ARFGEF3: variants seen among roughly 807,000 people sequenced by gnomAD.
ARFGEF3 encodes ARFGEF family member 3.
ARFGEF3 carries 96 observed loss-of-function variants against 221.7 expected under a neutral mutation model. That is an observed-to-expected ratio of 0.43 (90% CI 0.37 to 0.51). The LOEUF (loss-of-function observed/expected upper bound fraction) is 0.51. Among genes scored for constraint, ARFGEF3 ranks in the 20% least tolerant of loss-of-function variants. ARFGEF3 has a pLI of 0.00. For synonymous variants in ARFGEF3, 1,145 were observed against 1,126.8 expected (o/e 1.02, Z -0.32); for missense variants, 2,410 against 2,789.9 (o/e 0.86, Z 3.07).
chr6:138,244,123 A>C (rs771075663), intron 7 of ARFGEF3, among the ~76,000 whole-genome samples: 3 of 152,244 alleles, frequency 2.0e-5, no homozygotes, highest in Non-Finnish European at 4.4e-5. Flanking sequence ...TTTGTCTAAA[A>C]TTGAGCTTAA....
rs189151228 is a variant in ARFGEF3 at position 138,191,108 on chromosome 6, C to T, written c.138-15934C>T. ...TAACTCACTGAGAAAGTTCCTAGCT[C>T]ACTGAGAAAGTTCCTAGCTCACATC... is the stretch of plus-strand genomic sequence containing the variant. On this transcript the variant is annotated intron_variant, in intron 2 of 33. Transcript: ENST00000251691. Among the ~76,000 whole-genome samples the T allele has an allele frequency of 3.5e-4, 54 of 152,216 alleles. 1 individual carries two copies. The East Asian group carries it at 9.9e-3, about 28-fold the overall frequency.
At chr6:138,210,791 G>C (rs1481284836) in intron 4 of ARFGEF3, among the ~76,000 whole-genome samples, 1 of 152,172 alleles carries the variant, frequency 6.6e-6, no homozygotes, top group Non-Finnish European at 1.5e-5. Context: ...AAATATTCAG[G>C]AATAGTTGGT....
At chr6:138,181,616 G>C (rs1239638339) in intron 2 of ARFGEF3, among the ~76,000 whole-genome samples, 2 of 152,068 alleles carry the variant, frequency 1.3e-5, no homozygotes, top group Non-Finnish European at 2.9e-5. Flanking sequence ...GCTAATTTTT[G>C]TGTTTTTAGT....
In ARFGEF3 at chr6:138,329,483, G is replaced by A. The variant is rs185820145; in HGVS notation, c.5123+1341G>A. Among the ~76,000 whole-genome samples the A allele has an allele frequency of 3.9e-4, 59 of 152,152 alleles. 1 individual carries two copies. The highest frequency in any genetic ancestry group is 1.2e-3 in the African/African-American group (51 of 41,510). ...GTTTCAGACCAGCCTGGCCAACATG[G>A]TGAAACCCCGTCTCTGCTAAAAATA... is the stretch of plus-strand genomic sequence containing the variant. On this transcript the variant is annotated intron_variant, in intron 32 of 33. Transcript: ENST00000251691.
chr6:138,181,411 TTTTG>T (rs1389594981), intron 2 of ARFGEF3, among the ~76,000 whole-genome samples: 1 of 152,174 alleles, frequency 6.6e-6, no homozygotes, highest in African/African-American at 2.4e-5. Context: ...AATTATGAAT[TTTTG>T]TTTCTTAGGC....
intron 4 of ARFGEF3, among the ~76,000 whole-genome samples, chr6:138,222,098 C>T (rs1401128340): frequency 2.0e-5 from 3 of 152,212 alleles, no homozygotes; most frequent in Non-Finnish European, 4.4e-5. Flanking sequence ...CCTAGTTCTT[C>T]TCTGGAAGTC....
rs1422845253 is a variant in ARFGEF3 at position 138,319,784 on chromosome 6, A to G, written c.4556A>G (p.His1519Arg). 1.2e-6 allele frequency: 2 copies of G among 1,613,868 alleles called. No individual in the cohort carries two copies. The highest frequency in any genetic ancestry group is 2.7e-5 in the African/African-American group (2 of 74,948). Reference protein sequence around the residue: ...SVWLRRSHKDHSYWDMASANF... With the variant: ...SVWLRRSHKDRSYWDMASANF... ...TGGCTCCGCCGGAGCCATAAAGACCATTCCTACTGGGATATGGCCTCTGCC... is the reference window on the plus strand; with the variant it reads ...TGGCTCCGCCGGAGCCATAAAGACCGTTCCTACTGGGATATGGCCTCTGCC... Residue 1519 changes from histidine to arginine, a missense_variant, in exon 28 of 34, where the codon CAT (histidine) becomes CGT (arginine). Around this residue, in one of 5 missense-constraint regions of ARFGEF3, gnomAD observed 723 missense variants for 991.9 expected, o/e 0.73. Coordinates refer to ENST00000251691, the MANE Select transcript of ARFGEF3 (RefSeq NM_020340.5).
intron 1 of ARFGEF3, among the ~76,000 whole-genome samples, chr6:138,167,058 G>A (rs1430866964): frequency 1.3e-5 from 2 of 152,176 alleles, no homozygotes; most frequent in Non-Finnish European, 2.9e-5. Flanking sequence ...CCATTCGGCT[G>A]GCAGACCATT....
At chr6:138,248,443 C>CA (rs1009387389) in intron 8 of ARFGEF3, among the ~76,000 whole-genome samples, 4 of 152,082 alleles carry the variant, frequency 2.6e-5, no homozygotes, top group African/African-American at 9.7e-5. Context: ...ACCAGAACTA[C>CA]AAAAAATATA....
chr6:138,312,572 G>A (rs182927331), intron 25 of ARFGEF3, among the ~76,000 whole-genome samples: 2 of 152,240 alleles, frequency 1.3e-5, no homozygotes, highest in East Asian at 3.9e-4. Context: ...CTGCTGTGCA[G>A]GGCCATCTCT....
intron 26 of ARFGEF3, among the ~76,000 whole-genome samples, chr6:138,316,400 C>A (rs1273582619): frequency 6.6e-6 from 1 of 152,012 alleles, no homozygotes; most frequent in Non-Finnish European, 1.5e-5. Context: ...CAAACATATA[C>A]AAAACTTGTA....
intron 3 of ARFGEF3, 137 bp downstream of exon 3, chr6:138,207,260 A>G: frequency 1.5e-6 from 1 of 656,422 alleles, no homozygotes; most frequent in Admixed American, 2.6e-5. Context: ...GGAAATAACT[A>G]TAGAGAATAA....
chr6:138,308,929 G>C, intron 24 of ARFGEF3, 68 bp downstream of exon 24: 1 of 1,586,584 alleles, frequency 6.3e-7, no homozygotes, highest in Non-Finnish European at 8.6e-7. Context: ...TCTGTGGCTG[G>C]AGACAGGGCC....
chr6:138,332,888 CA>C (rs763683555), intron 32 of ARFGEF3, among the ~76,000 whole-genome samples: 1 of 152,120 alleles, frequency 6.6e-6, no homozygotes, highest in Non-Finnish European at 1.5e-5. Context: ...GAGGACTACA[CA>C]AAGGGCAAAG....
intron 8 of ARFGEF3, among the ~76,000 whole-genome samples, chr6:138,251,072 C>T (rs1475181947): frequency 6.6e-6 from 1 of 152,162 alleles, no homozygotes; most frequent in South Asian, 2.1e-4. Flanking sequence ...ACTGCCGCAA[C>T]CCACGGAAAA....
intron 1 of ARFGEF3, among the ~76,000 whole-genome samples, chr6:138,165,837 A>G (rs1346045294): frequency 6.6e-6 from 1 of 152,250 alleles, no homozygotes; most frequent in Non-Finnish European, 1.5e-5. Flanking sequence ...GATCATCACC[A>G]TATTTAGACC....
chr6:138,334,798 G>T lies in ARFGEF3; in HGVS notation c.5952G>T (p.Gly1984=). ...CCCTGAGCCTGAAGGCCGGTGGTGG[G>T]GACCTGCTGCTGCCCCCCAGCCCCA... ...GESLSLKAGG[G]DLLLPPSPKV... The change falls in exon 33 of 34, where the codon GGG becomes GGT. Residue 1984 remains glycine (G), a synonymous_variant. Coordinates refer to ENST00000251691, the MANE Select transcript of ARFGEF3 (RefSeq NM_020340.5). This position sits in a 1 kb window ranked among gnomAD's most constrained non-coding sequence, Gnocchi z 5.1. The T allele has an allele frequency of 6.2e-7, 1 of 1,605,046 alleles. No individual in the cohort carries two copies. Among genetic ancestry groups the T allele is most frequent in the Non-Finnish European group, 8.5e-7 (1 of 1,176,080 alleles).
At chr6:138,245,383 C>T (rs753163187) in intron 7 of ARFGEF3, 130 bp from the exon 8 acceptor site, 22 of 682,066 alleles carry the variant, frequency 3.2e-5, no homozygotes, top group Non-Finnish European at 5.6e-5. Context: ...GGCCTAAGGG[C>T]TTCTCCACAT....
At chr6:138,263,682 T>C (rs776594195) in intron 12 of ARFGEF3, 71 bp downstream of exon 12, 1 of 1,327,258 alleles carries the variant, frequency 7.5e-7, no homozygotes, top group Non-Finnish European at 1.0e-6. Context: ...GGGCAATTAC[T>C]ATCATGCTTA....
Sources: allele counts gnomAD v4.1 joint callset (sites outside exome capture counted in the v4.1 genomes callset), GRCh38; gene constraint gnomAD v4.1.1; regional missense constraint gnomAD v4.1.1; non-coding constraint Gnocchi (gnomAD v3.1); transcripts MANE v1.5; gene names NCBI Gene and HGNC (gene_info 2026-07-23, HGNC 2026-07-21).